PLEKHA6: variants seen among roughly 807,000 people sequenced by gnomAD.
PLEKHA6 encodes pleckstrin homology domain-containing family A member 6.
In PLEKHA6, 60 loss-of-function variants were observed where a neutral mutation model predicts 116.7. That is an observed-to-expected ratio of 0.51 (90% confidence interval 0.42 to 0.64). The LOEUF (loss-of-function observed/expected upper bound fraction) is 0.64, where lower values mean the gene tolerates loss of function less well. Among genes scored for constraint, PLEKHA6 ranks in the 30% least tolerant of loss-of-function variants. PLEKHA6 has a pLI of 0.00. For missense variants in PLEKHA6, 1,338 were observed against 1,422.7 expected (o/e 0.94, Z 0.96); for synonymous variants, 489 against 556.1 (o/e 0.88, Z 1.70).
intron 1 of PLEKHA6, among the ~76,000 whole-genome samples, chr1:204,279,803 C>T (rs937550201): frequency 2.0e-5 from 3 of 152,052 alleles, no homozygotes; most frequent in African/African-American, 4.8e-5. Context: ...TTTCTTGGGC[C>T]CTTAGTTTTC....
At chr1:204,243,433 C>T (rs6593999) in intron 15 of PLEKHA6, among the ~76,000 whole-genome samples, 79,097 of 151,978 alleles carry the variant, frequency 0.52, 21,328 homozygotes, top group African/African-American at 0.67. Context: ...GCTCTGAAGC[C>T]AACTCTCTGC....
In PLEKHA6 at chr1:204,220,020, G is replaced by A. The variant is rs1461470636; in HGVS notation, c.*2768C>T. Reference sequence around the variant, plus strand: ...AGGCCAGAGAGGGATCAAGTGAAAAGGAGTGTGACAAGTCCAAGGAACTTG... The same window carrying A: ...AGGCCAGAGAGGGATCAAGTGAAAAAGAGTGTGACAAGTCCAAGGAACTTG... On this transcript the variant is annotated 3_prime_UTR_variant, in exon 23 of 23. Transcript: ENST00000272203. The A allele has an allele frequency of 6.6e-6, 1 of 152,238 alleles. No individual in the cohort carries two copies. 9.4% of individuals were successfully genotyped at this position (152,238 alleles called of 1,614,324 possible).
At chr1:204,251,152 A>G (rs374259601) in intron 9 of PLEKHA6, among the ~76,000 whole-genome samples, 33 of 152,322 alleles carry the variant, frequency 2.2e-4, no homozygotes, top group African/African-American at 7.9e-4. Flanking sequence ...TCTGGTGACC[A>G]CAGCACATTC....
intron 1 of PLEKHA6, chr1:204,311,820 A>G: frequency 3.5e-6 from 1 of 282,058 alleles, no homozygotes; most frequent in Non-Finnish European, 5.4e-6. Context: ...ACAATCACCC[A>G]TGGCCATGCG....
intron 1 of PLEKHA6, among the ~76,000 whole-genome samples, chr1:204,303,358 T>G (rs1670998377): frequency 6.6e-6 from 1 of 152,234 alleles, no homozygotes; most frequent in African/African-American, 2.4e-5. Flanking sequence ...AGGAGGGCTC[T>G]TATTTCAGGA....
chr1:204,242,758 G>A lies in PLEKHA6; in HGVS notation c.2173-944C>T, dbSNP rs568822814. ...GGGGCCTGGGATGGGCACACGAAGG[G>A]ATCGGAATGGCACTGCTGAGAGTAT... On this transcript the variant is annotated intron_variant, in intron 15 of 22. Coordinates refer to ENST00000272203, the MANE Select transcript of PLEKHA6 (RefSeq NM_014935.5). Among the ~76,000 whole-genome samples, 13 of 152,300 alleles carry A rather than the reference G, an allele frequency of 8.5e-5. No individual in the cohort carries two copies. The South Asian group carries it at 2.7e-3, about 32-fold the overall frequency.
intron 17 of PLEKHA6, among the ~76,000 whole-genome samples, chr1:204,234,954 TTATATATATATATATATATATATATATA>T (rs61156938): frequency 0.023 from 431 of 18,704 alleles, 8 homozygotes; most frequent in Middle Eastern, 0.17. Context: ...AAACTGCCCT[TTATATATATATATATATATATATATATA>T]TATATATATA....
At chr1:204,377,469 C>G (rs3014611) in intron 1 of PLEKHA6, 147,986 of 152,294 alleles carry the variant, frequency 0.97, 72,023 homozygotes, top group East Asian at 1. Context: ...CATGCCCGCC[C>G]TTGTAGCCAC....
rs114670355 is a variant in PLEKHA6 at position 204,359,526 on chromosome 1, G to A, written c.-95+168C>T. The A allele has an allele frequency of 4.4e-3, 3,338 of 761,614 alleles. 73 individuals carry two copies. The African/African-American group carries it at 0.053, about 12-fold the overall frequency. 47.2% of individuals were successfully genotyped at this position (761,614 alleles called of 1,614,324 possible). A position where few individuals can be genotyped will look rare whatever the true frequency, so the allele number is the denominator to read the frequency against. ...GGGAGGGCTATAATTAGCATTCTCAGCATCCATGATCCCCAAGTAAGGCTG... is the reference window on the plus strand; with the variant it reads ...GGGAGGGCTATAATTAGCATTCTCAACATCCATGATCCCCAAGTAAGGCTG... On this transcript the variant is annotated intron_variant, in intron 1 of 22. Coordinates refer to ENST00000272203, the MANE Select transcript of PLEKHA6 (RefSeq NM_014935.5).
At chr1:204,255,542 G>T in intron 9 of PLEKHA6, 1 of 685,526 alleles carries the variant, frequency 1.5e-6, no homozygotes, top group Non-Finnish European at 2.7e-6. Flanking sequence ...TTGTCAAATG[G>T]CTGGAAGATG....
chr1:204,347,127 T>C, intron 1 of PLEKHA6: 1 of 1,117,274 alleles, frequency 9.0e-7, no homozygotes, highest in Non-Finnish European at 1.4e-6. Context: ...CAGTACCCAT[T>C]CCCTTGATGT....
chr1:204,241,514 T>G (rs774173669), intron 16 of PLEKHA6, 33 bp from the exon 17 acceptor site: 52 of 1,491,394 alleles, frequency 3.5e-5, no homozygotes, highest in Non-Finnish European at 4.6e-5. Context: ...GTGGGCCTCA[T>G]GGAGAGCAGG....
intron 1 of PLEKHA6, chr1:204,299,504 G>T: frequency 3.5e-6 from 1 of 287,912 alleles, no homozygotes; most frequent in Non-Finnish European, 5.2e-6. Context: ...GGCAGGGGAG[G>T]ACTGCTGACC....
intron 3 of PLEKHA6, among the ~76,000 whole-genome samples, chr1:204,270,536 T>C (rs905312159): frequency 3.3e-5 from 5 of 152,178 alleles, no homozygotes; most frequent in Non-Finnish European, 4.4e-5. Context: ...CACGTTATCT[T>C]ACATAGGTCC....
chr1:204,317,243 GA>G (rs1259868975), intron 1 of PLEKHA6: 26 of 975,212 alleles, frequency 2.7e-5, no homozygotes, highest in Middle Eastern at 5.3e-4. Context: ...GGCCCTCAGG[GA>G]CAGCTAGCAG....
Position 204,223,521 on chromosome 1 carries a change from CAG to C in PLEKHA6, c.3094_3095del (p.Leu1032ValfsTer3), listed in dbSNP as rs1395499181. 2 of 1,547,300 alleles carry C rather than the reference CAG, an allele frequency of 1.3e-6. No homozygotes were observed. Among genetic ancestry groups the C allele is most frequent in the East Asian group, 2.5e-5 (1 of 40,780 alleles). On this transcript the variant is annotated frameshift_variant, in exon 22 of 23. Coordinates refer to ENST00000272203, the MANE Select transcript of PLEKHA6 (RefSeq NM_014935.5). LOFTEE classifies it high-confidence loss of function. The surrounding 1 kb of genome is among the most constrained non-coding windows in gnomAD (Gnocchi z 4.8). ...CGGCGCCCCGTGGGGATTCAGACGACAGGGGGTTTGCTGGAGGAGCCGGGGAA... is the reference window on the plus strand; with the variant it reads ...CGGCGCCCCGTGGGGATTCAGACGACGGGGTTTGCTGGAGGAGCCGGGGAA... ...PASPAPPANPLSSESPRGADS... is the reference protein window; with the variant it reads ...PASPAPPANPXSSESPRGADS...
Position 204,302,013 on chromosome 1 carries a change from G to A in PLEKHA6, c.-94-27204C>T, listed in dbSNP as rs116622823. Among the ~76,000 whole-genome samples, 397 of 152,262 alleles carry A rather than the reference G, an allele frequency of 2.6e-3. 1 individual carries two copies. The highest frequency in any genetic ancestry group is 9.1e-3 in the African/African-American group (376 of 41,540). ...TCAGCCACTTTTCCAACAGGCATAC[G>A]ACTGTTGGGCAGTAGACCTGCAGTT... On this transcript the variant is annotated intron_variant, in intron 1 of 22. Transcript: ENST00000272203.
chr1:204,275,359 G>A (rs1350044548), intron 1 of PLEKHA6, among the ~76,000 whole-genome samples: 1 of 152,206 alleles, frequency 6.6e-6, no homozygotes, highest in Non-Finnish European at 1.5e-5. Flanking sequence ...CACACCCTAA[G>A]TCCAGGGTCT....
intron 6 of PLEKHA6, among the ~76,000 whole-genome samples, chr1:204,263,946 G>A (rs1266460538): frequency 2.0e-5 from 3 of 152,050 alleles, no homozygotes; most frequent in Admixed American, 2.0e-4. Flanking sequence ...CCCTGTAGCG[G>A]GCCCTGTGCA....
Sources: gnomAD v4.1 joint callset for allele counts (sites outside exome capture counted in the v4.1 genomes callset) on GRCh38, gnomAD v4.1.1 for gene constraint, Gnocchi (gnomAD v3.1) non-coding constraint, MANE v1.5 for transcripts, NCBI Gene and HGNC (gene_info 2026-07-23, HGNC 2026-07-21) for gene names.